MTCL1: variants seen among roughly 807,000 people sequenced by gnomAD.
MTCL1 encodes microtubule crosslinking factor 1.
Under a neutral mutation model 141.4 loss-of-function variants are expected in MTCL1, and 79 were observed. That is an observed-to-expected ratio of 0.56 (90% CI 0.47 to 0.67). The LOEUF is 0.67. MTCL1 is among the 30% of genes least tolerant of loss of function. The pLI, the probability that MTCL1 is intolerant of heterozygous loss-of-function variation, is 0.00. For missense variants in MTCL1, 2,177 were observed against 2,113.9 expected (o/e 1.03, Z -0.59); for synonymous variants, 914 against 875.8 (o/e 1.04, Z -0.77).
chr18:8,789,781 A>G (rs556648395), intron 7 of MTCL1: 1 of 861,198 alleles, frequency 1.2e-6, no homozygotes, highest in Non-Finnish European at 1.4e-6. Flanking sequence ...TGGGTGGTAA[A>G]GGGAAATATT....
In MTCL1 at chr18:8,718,666, G is replaced by C; in HGVS notation, c.198+18G>C. The C allele has an allele frequency of 6.2e-7, 1 of 1,610,576 alleles. No homozygotes were observed. The highest frequency in any genetic ancestry group is 8.5e-7 in the Non-Finnish European group (1 of 1,178,430). On this transcript the variant is annotated intron_variant, in intron 3 of 16. Coordinates refer to ENST00000359865, the Ensembl canonical transcript of MTCL1. ...ACTTGAAGGTGAGTGAGGGGGTGGT[G>C]CGTGCACCTCGCAAGGCTGCTGTGG... is the stretch of plus-strand genomic sequence containing the variant.
At chr18:8,823,341 A>C (rs1211784631) in intron 14 of MTCL1, among the ~76,000 whole-genome samples, 1 of 152,040 alleles carries the variant, frequency 6.6e-6, no homozygotes, top group East Asian at 1.9e-4. Flanking sequence ...CACTGATTTA[A>C]CTCTGAGACA....
intron 4 of MTCL1, among the ~76,000 whole-genome samples, chr18:8,756,315 A>G (rs987002553): frequency 2.7e-5 from 4 of 149,056 alleles, no homozygotes; most frequent in Admixed American, 6.6e-5. Flanking sequence ...GTGTGTGTGT[A>G]TGTATGTGTG....
intron 3 of MTCL1, 122 bp from the exon 3 acceptor site, chr18:8,720,216 C>A: frequency 1.1e-6 from 1 of 874,256 alleles, no homozygotes; most frequent in Non-Finnish European, 1.8e-6. Context: ...TGTGTATTGC[C>A]AGGGTCTTTG....
intron 8 of MTCL1, among the ~76,000 whole-genome samples, chr18:8,795,305 AAGAG>A (rs1489139268): frequency 6.6e-6 from 1 of 152,156 alleles, no homozygotes; most frequent in East Asian, 1.9e-4. Context: ...TTTTTGGCAT[AAGAG>A]AGAGTGTTAA....
chr18:8,797,517 A>G (rs536951420), intron 9 of MTCL1, among the ~76,000 whole-genome samples: 45 of 152,340 alleles, frequency 3.0e-4, no homozygotes, highest in African/African-American at 1.0e-3. Context: ...TATTCTGTAC[A>G]TCACTGACCC....
In MTCL1 at chr18:8,720,464, G is replaced by A. The variant is rs771809288; in HGVS notation, c.325G>A (p.Ala109Thr). The A allele has an allele frequency of 6.2e-6, 10 of 1,613,890 alleles. No individual in the cohort carries two copies. The East Asian group carries it at 2.2e-4, about 36-fold the overall frequency. ...GATTGAAGTGGAAATATCCAAACAG[G>A]CCCTCCAGAATGAGCTGGAGAGACT... Residue 109 changes from alanine to threonine, a missense_variant, in exon 4 of 17, where the codon GCC becomes ACC. Ala to Thr is a moderately conservative substitution (Grantham distance 58). Transcript: ENST00000359865.
chr18:8,745,634 C>T (rs949039414), intron 4 of MTCL1, among the ~76,000 whole-genome samples: 1 of 152,184 alleles, frequency 6.6e-6, no homozygotes, highest in Non-Finnish European at 1.5e-5. Context: ...CCGGTGCCCA[C>T]GTGCAGCAAG....
At chr18:8,784,300 T>C in exon 6 of MTCL1, 1 of 1,572,102 alleles carries the variant, frequency 6.4e-7, no homozygotes, top group Admixed American at 1.7e-5. Context: ...AGAAGGAGAG[T>C]GATGGGGAGG....
At chr18:8,793,261 C>A in intron 8 of MTCL1, 141 bp downstream of exon 7, 1 of 1,168,904 alleles carries the variant, frequency 8.6e-7, no homozygotes, top group Non-Finnish European at 1.2e-6. Flanking sequence ...AAAGGTCACC[C>A]AGTCAAGCTG....
At chr18:8,790,264 T>G (rs1406083911) in intron 7 of MTCL1, among the ~76,000 whole-genome samples, 1 of 152,238 alleles carries the variant, frequency 6.6e-6, no homozygotes, top group Non-Finnish European at 1.5e-5. Flanking sequence ...ATATATTATT[T>G]ATTAAAATTA....
intron 4 of MTCL1, among the ~76,000 whole-genome samples, chr18:8,750,483 A>T (rs1396163281): frequency 1.3e-5 from 2 of 152,152 alleles, no homozygotes; most frequent in Admixed American, 1.3e-4. Flanking sequence ...ACCATGCAGA[A>T]AAGGCTGGGC....
upstream of MTCL1, chr18:8,705,659 C>A (rs974218162): frequency 8.3e-7 from 1 of 1,205,690 alleles, no homozygotes. This position sits in a 1 kb window ranked among gnomAD's most constrained non-coding sequence, Gnocchi z 5.2. Context: ...GCGGACCCGG[C>A]CATGGAGACA....
chr18:8,824,687 TGCTTTTCCCAGG>T lies in MTCL1; in HGVS notation c.3189-9_3191del. Reference sequence around the variant, plus strand: ...TGGCAGGTACTGACACCCTCTTTTCTGCTTTTCCCAGGGCGGTGTCCGTGTCCTCCATGTCTG... The same window carrying T: ...TGGCAGGTACTGACACCCTCTTTTCTGCGGTGTCCGTGTCCTCCATGTCTG... On this transcript the variant is annotated splice_acceptor_variant and splice_polypyrimidine_tract_variant and coding_sequence_variant and intron_variant, in exon 15 of 17. Transcript: ENST00000359865. LOFTEE classifies it high-confidence loss of function. 1 of 1,596,740 alleles carries T rather than the reference TGCTTTTCCCAGG, an allele frequency of 6.3e-7. No homozygotes were observed. The highest frequency in any genetic ancestry group is 8.5e-7 in the Non-Finnish European group (1 of 1,170,878).
At chr18:8,733,766 G>A (rs895618832) in intron 4 of MTCL1, among the ~76,000 whole-genome samples, 2 of 152,132 alleles carry the variant, frequency 1.3e-5, no homozygotes, top group East Asian at 1.9e-4. Context: ...CTACAGGAGC[G>A]TCCTCGCAGG....
chr18:8,747,131 G>A (rs796840300), intron 4 of MTCL1, among the ~76,000 whole-genome samples: 18 of 152,316 alleles, frequency 1.2e-4, no homozygotes, highest in African/African-American at 4.3e-4. Flanking sequence ...CCCACACCAT[G>A]CCTCTTGTGG....
intron 4 of MTCL1, among the ~76,000 whole-genome samples, chr18:8,745,877 A>G (rs1191220253): frequency 6.6e-6 from 1 of 152,090 alleles, no homozygotes; most frequent in Non-Finnish European, 1.5e-5. Context: ...GTACCCATTA[A>G]ACAACAAGTC....
In MTCL1 at chr18:8,769,649, C is replaced by T. The variant is rs1359532789; in HGVS notation, c.358-8184C>T. Among the ~76,000 whole-genome samples the T allele has an allele frequency of 3.3e-5, 5 of 152,144 alleles. No individual in the cohort carries two copies. In the East Asian group the frequency reaches 9.6e-4, roughly 29 times the overall value. On this transcript the variant is annotated intron_variant, in intron 4 of 16. Transcript: ENST00000359865. ...GGTGTGCTGGGCATCTGTGTCCATC[C>T]CAGGTGGCCTGGTGACCCTGACCTT...
chr18:8,800,045 A>C (rs562625969), intron 10 of MTCL1, among the ~76,000 whole-genome samples: 1 of 152,366 alleles, frequency 6.6e-6, no homozygotes, highest in Admixed American at 6.5e-5. Context: ...TGTTCACAGT[A>C]GTGAGTAAGG....
Sources: gnomAD v4.1 joint callset for allele counts (sites outside exome capture counted in the v4.1 genomes callset) on GRCh38, gnomAD v4.1.1 for gene constraint, Gnocchi (gnomAD v3.1) non-coding constraint, MANE v1.5 for transcripts, NCBI Gene and HGNC (gene_info 2026-07-23, HGNC 2026-07-21) for gene names.